ADCY7: variants seen among roughly 807,000 people sequenced by gnomAD.
ADCY7 encodes the protein adenylate cyclase 7.
ADCY7 carries 72 observed loss-of-function variants against 120.6 expected under a neutral mutation model. That is an observed-to-expected ratio of 0.60 (90% CI 0.49 to 0.73). ADCY7 has a LOEUF of 0.73. Among genes scored for constraint, ADCY7 ranks in the 30% least tolerant of loss-of-function variants. The pLI is 0.00. For missense variants in ADCY7, 1,227 were observed against 1,486.0 expected (o/e 0.83, Z 2.87); for synonymous variants, 661 against 628.0 (o/e 1.05, Z -0.78).
intron 1 of ADCY7, among the ~76,000 whole-genome samples, chr16:50,254,434 G>A (rs1366597637): frequency 1.3e-5 from 2 of 152,208 alleles, no homozygotes; most frequent in African/African-American, 4.8e-5. Context: ...AACTAACACA[G>A]TGAAGCTGTA....
At chr16:50,255,028 G>A (rs1184911689) in intron 1 of ADCY7, among the ~76,000 whole-genome samples, 1 of 149,710 alleles carries the variant, frequency 6.7e-6, no homozygotes, top group East Asian at 2.0e-4. Context: ...GCTCATGCCT[G>A]TAATTCTAGC....
At position 50,308,324 on chromosome 16, in the gene ADCY7, C is replaced by T. The variant is rs1378872507; in HGVS notation, c.1851-3C>T. ...AGAACTGAGGTTCTTCCCTCCTCTCCAGGACGGCGGCACTGGGTGTGTCCT... is the reference window on the plus strand; with the variant it reads ...AGAACTGAGGTTCTTCCCTCCTCTCTAGGACGGCGGCACTGGGTGTGTCCT... On this transcript the variant is annotated splice_region_variant and splice_polypyrimidine_tract_variant and intron_variant, in intron 15 of 25. Coordinates refer to ENST00000673801, the MANE Select transcript of ADCY7 (RefSeq NM_001114.5). 1 of 1,614,178 alleles carries T rather than the reference C, an allele frequency of 6.2e-7. No individual in the cohort carries two copies. The highest frequency in any genetic ancestry group is 1.1e-5 in the South Asian group (1 of 91,078).
At chr16:50,278,095 A>G (rs925157646) in intron 1 of ADCY7, among the ~76,000 whole-genome samples, 1 of 151,334 alleles carries the variant, frequency 6.6e-6, no homozygotes, top group Admixed American at 6.6e-5. Context: ...AGGCTGGTTT[A>G]CAGGCATGAT....
At chr16:50,258,992 A>G (rs946597395) in intron 1 of ADCY7, among the ~76,000 whole-genome samples, 1 of 152,190 alleles carries the variant, frequency 6.6e-6, no homozygotes, top group Admixed American at 6.5e-5. Context: ...TACCCATCTC[A>G]GGGCATTGTT....
At chr16:50,296,692 A>G (rs1567561460) in intron 7 of ADCY7, among the ~76,000 whole-genome samples, 1 of 152,154 alleles carries the variant, frequency 6.6e-6, no homozygotes, top group Non-Finnish European at 1.5e-5. Context: ...CTCTGTGGGC[A>G]GAGAATCAAT....
In ADCY7 at chr16:50,287,217, G is replaced by A. The variant is rs374539634; in HGVS notation, c.-268-695G>A. The stretch of plus-strand genomic sequence containing the variant: ...TTTTAGTGGAGGGGGGTTTTACCAC[G>A]TGGGCCAGGCTGGTCTCGAACTCCT... On this transcript the variant is annotated intron_variant, in intron 1 of 25. Coordinates refer to ENST00000673801, the MANE Select transcript of ADCY7 (RefSeq NM_001114.5). Among the ~76,000 whole-genome samples the A allele has an allele frequency of 1.0e-3, 152 of 151,628 alleles. No individual in the cohort carries two copies. In the Middle Eastern group the frequency reaches 0.02, roughly 20 times the overall value.
intron 21 of ADCY7, 94 bp from the exon 22 acceptor site, chr16:50,312,796 C>T: frequency 8.5e-7 from 1 of 1,178,258 alleles, no homozygotes; most frequent in Admixed American, 2.1e-5. Context: ...CTGGGCTGGG[C>T]AGTTCAGCAG....
rs917667876 is a variant in ADCY7 at position 50,317,915 on chromosome 16, A to G, written c.*2410A>G. The G allele has an allele frequency of 6.6e-6, 1 of 150,460 alleles. No homozygotes were observed. The highest frequency in any genetic ancestry group is 2.4e-5 in the African/African-American group (1 of 41,200). 9.3% of individuals were successfully genotyped at this position (150,460 alleles called of 1,614,324 possible). A position where few individuals can be genotyped will look rare whatever the true frequency, so the allele number is the denominator to read the frequency against. ...TTCCTAACAAACAAACAAACAAACA[A>G]ACAGAAGAGAAGATCATTAACCACT... On this transcript the variant is annotated 3_prime_UTR_variant, in exon 26 of 26. Coordinates refer to ENST00000673801, the MANE Select transcript of ADCY7 (RefSeq NM_001114.5).
intron 2 of ADCY7, chr16:50,289,098 A>G (rs950164932): frequency 4.7e-6 from 1 of 213,942 alleles, no homozygotes; most frequent in South Asian, 4.8e-5. Flanking sequence ...TGGCCTGTGT[A>G]TCACTGCCCT....
chr16:50,291,706 G>C, intron 3 of ADCY7, 30 bp from the exon 4 acceptor site: 1 of 1,613,410 alleles, frequency 6.2e-7, no homozygotes, highest in Middle Eastern at 1.7e-4. Flanking sequence ...AGCATCTTGG[G>C]GCACCGGGCT....
rs569306297 is a variant in ADCY7 at position 50,299,715 on chromosome 16, G to A, written c.1076+684G>A. Among the ~76,000 whole-genome samples, 393 of 152,360 alleles carry A rather than the reference G, an allele frequency of 2.6e-3. 2 individuals are homozygous for A. The highest frequency in any genetic ancestry group is 0.024 in the Middle Eastern group (7 of 294). ...GGGCAGAGCTGGAGGGGCCTGGCCT[G>A]CACCACTGCCTGTGTGACCTCAGGC... On this transcript the variant is annotated intron_variant, in intron 8 of 25. Transcript: ENST00000673801.
chr16:50,272,464 C>T (rs1446931579), intron 1 of ADCY7, among the ~76,000 whole-genome samples: 2 of 152,302 alleles, frequency 1.3e-5, no homozygotes, highest in East Asian at 3.9e-4. Flanking sequence ...ACTGGCTGGG[C>T]AGGGAGAAGC....
chr16:50,288,355 G>C lies in ADCY7; in HGVS notation c.171+5G>C. On this transcript the variant is annotated splice_donor_5th_base_variant and intron_variant, in intron 2 of 25. Coordinates refer to ENST00000673801, the MANE Select transcript of ADCY7 (RefSeq NM_001114.5). The stretch of plus-strand genomic sequence containing the variant: ...ATCATTGCCTTCAGCCAGGGGGTGA[G>C]TGAGGGCAGCCCCTGGGCTTCACGT... The C allele has an allele frequency of 6.5e-7, 1 of 1,541,890 alleles. No individual in the cohort carries two copies. Among genetic ancestry groups the C allele is most frequent in the Non-Finnish European group, 8.8e-7 (1 of 1,140,666 alleles).
rs144493060 is a variant in ADCY7, at chr16:50,290,506, C to T, written c.221C>T (p.Ala74Val). ...AILGMAFLVL[A>V]VFAALSVLMY... ...CTGGGCATGGCGTTCCTGGTGCTGGCGGTGTTTGCGGCCCTCTCTGTGCTG... is the reference window on the plus strand; with the variant it reads ...CTGGGCATGGCGTTCCTGGTGCTGGTGGTGTTTGCGGCCCTCTCTGTGCTG... Residue 74 changes from alanine (A) to valine (V), a missense_variant, in exon 3 of 26, where the codon GCG becomes GTG. Physicochemically the swap from Ala to Val is moderately conservative, Grantham distance 64. This residue lies in a region of ADCY7 where 382 missense variants were observed against 411.4 expected (regional missense o/e 0.93). Transcript: ENST00000673801. 83 of 1,614,214 alleles carry T rather than the reference C, an allele frequency of 5.1e-5. No individual in the cohort carries two copies. The highest frequency in any genetic ancestry group is 2.2e-4 in the East Asian group (10 of 44,884).
intron 2 of ADCY7, among the ~76,000 whole-genome samples, chr16:50,289,745 C>T (rs1453354832): frequency 2.6e-5 from 4 of 152,242 alleles, no homozygotes; most frequent in Non-Finnish European, 5.9e-5. Context: ...GGATTATAGG[C>T]GTGAGCCACC....
At chr16:50,255,449 A>G (rs1350465952) in intron 1 of ADCY7, among the ~76,000 whole-genome samples, 1 of 146,684 alleles carries the variant, frequency 6.8e-6, no homozygotes, top group African/African-American at 2.5e-5. Context: ...AACAGGATAG[A>G]GAGCTCAGAA....
intron 1 of ADCY7, among the ~76,000 whole-genome samples, chr16:50,272,153 GCCATGA>G (rs1224481585): frequency 1.3e-5 from 2 of 151,976 alleles, no homozygotes; most frequent in South Asian, 4.1e-4. Context: ...AGAAGGAATG[GCCATGA>G]CCCTCAGACA....
chr16:50,275,148 G>A (rs955736076), intron 1 of ADCY7, among the ~76,000 whole-genome samples: 13 of 152,176 alleles, frequency 8.5e-5, no homozygotes, highest in African/African-American at 2.7e-4. Flanking sequence ...TGTTGAGACC[G>A]TGAGCACCTG....
chr16:50,249,438 C>A (rs1454708658), intron 1 of ADCY7, among the ~76,000 whole-genome samples: 1 of 133,952 alleles, frequency 7.5e-6, no homozygotes, highest in Admixed American at 8.2e-5. Flanking sequence ...GAGCAAGACT[C>A]CGTCTAAAAC....
Sources: gnomAD v4.1 joint callset for allele counts (sites outside exome capture counted in the v4.1 genomes callset) on GRCh38, gnomAD v4.1.1 for gene constraint, gnomAD v4.1.1 regional missense constraint, MANE v1.5 for transcripts, NCBI Gene and HGNC (gene_info 2026-07-23, HGNC 2026-07-21) for gene names.